The following CFAP299 variants were observed in gnomAD, a reference collection of about 807,000 sequenced individuals.
The protein encoded by CFAP299 is cilia and flagella associated protein 299.
A neutral mutation model predicts 27.0 loss-of-function variants in CFAP299; 21 were observed. The observed-to-expected ratio is 0.78, with a 90% CI of 0.55 to 1.12. The LOEUF (loss-of-function observed/expected upper bound fraction) is 1.12. Ranked by LOEUF, CFAP299 falls within the 50% of genes most tolerant of loss-of-function variation. The pLI is 0.00. For synonymous variants in CFAP299, 104 were observed against 98.1 expected (o/e 1.06, Z -0.36); for missense variants, 310 against 276.6 (o/e 1.12, Z -0.86).
chr4:80,576,187 T>TAA lies in CFAP299; in HGVS notation c.243-6896_243-6895dup, dbSNP rs760438865. On this transcript the variant is annotated intron_variant, in intron 2 of 5. Coordinates refer to ENST00000358105, the MANE Select transcript of CFAP299 (RefSeq NM_152770.3). ...TACCCTAGAACTTAAAGTATAATAA[T>TAA]AAAAAAAAAAATATATATATATATA... Among the ~76,000 whole-genome samples, 704 of 142,088 alleles carry TAA rather than the reference T, an allele frequency of 5.0e-3. 8 individuals carry two copies. The highest frequency in any genetic ancestry group is 0.017 in the African/African-American group (678 of 39,054). 93.2% of individuals were successfully genotyped at this position (142,088 alleles called of 152,430 possible).
chr4:80,497,508 C>A (rs1346610667), intron 2 of CFAP299, among the ~76,000 whole-genome samples: 1 of 151,956 alleles, frequency 6.6e-6, no homozygotes, highest in Non-Finnish European at 1.5e-5. Context: ...TATATGTATG[C>A]ATATATATAC....
At chr4:80,468,774 G>T (rs371794370) in intron 2 of CFAP299, among the ~76,000 whole-genome samples, 5 of 146,792 alleles carry the variant, frequency 3.4e-5, no homozygotes, top group African/African-American at 1.3e-4. Context: ...GGCAGAGGTT[G>T]CAGTGAGCCA....
intron 3 of CFAP299, among the ~76,000 whole-genome samples, chr4:80,661,042 G>C (rs1740816427): frequency 6.6e-6 from 1 of 150,806 alleles, no homozygotes; most frequent in South Asian, 2.1e-4. Flanking sequence ...AGTGATGATG[G>C]GAGCCGGGCA....
At chr4:80,797,484 C>T (rs907954906) in intron 3 of CFAP299, among the ~76,000 whole-genome samples, 1 of 152,330 alleles carries the variant, frequency 6.6e-6, no homozygotes, top group East Asian at 1.9e-4. Context: ...GAGCTCTACA[C>T]AAGTCAGACT....
chr4:80,556,683 T>C (rs4600904), intron 2 of CFAP299, among the ~76,000 whole-genome samples: 19,010 of 151,990 alleles, frequency 0.13, 1,437 homozygotes, highest in South Asian at 0.23. Context: ...ATTTTGCTGT[T>C]GGAAAGTCTG....
intron 3 of CFAP299, among the ~76,000 whole-genome samples, chr4:80,788,453 G>A (rs1430144748): frequency 6.6e-6 from 1 of 151,878 alleles, no homozygotes; most frequent in Non-Finnish European, 1.5e-5. Context: ...GGATTAAAAT[G>A]TAGTGTACCC....
chr4:80,921,473 G>A (rs1736040721), intron 4 of CFAP299, among the ~76,000 whole-genome samples: 1 of 152,000 alleles, frequency 6.6e-6, no homozygotes, highest in South Asian at 2.1e-4. Flanking sequence ...TGGCATTTAG[G>A]CAGAGAGGAG....
At chr4:80,391,972 A>G (rs1250475942) in intron 2 of CFAP299, among the ~76,000 whole-genome samples, 2 of 152,140 alleles carry the variant, frequency 1.3e-5, no homozygotes, top group Non-Finnish European at 2.9e-5. Context: ...GTCAAAGGAG[A>G]TCATTTTGGA....
chr4:80,464,270 A>G (rs1283072089), intron 2 of CFAP299, among the ~76,000 whole-genome samples: 1 of 152,174 alleles, frequency 6.6e-6, no homozygotes, highest in Non-Finnish European at 1.5e-5. Flanking sequence ...GCTAAAGGAA[A>G]TGGAACTCAG....
chr4:80,932,423 A>G (rs1187262707), intron 4 of CFAP299, among the ~76,000 whole-genome samples: 1 of 152,166 alleles, frequency 6.6e-6, no homozygotes, highest in African/African-American at 2.4e-5. Flanking sequence ...ATCAACCCAA[A>G]TAACTGATCA....
chr4:80,869,623 C>T (rs933706583), intron 3 of CFAP299, among the ~76,000 whole-genome samples: 2 of 152,154 alleles, frequency 1.3e-5, no homozygotes, highest in Non-Finnish European at 2.9e-5. Context: ...GAGCGATTCC[C>T]CTGCCTCAGC....
intron 4 of CFAP299, among the ~76,000 whole-genome samples, chr4:80,888,873 A>G (rs1424398865): frequency 6.6e-6 from 1 of 151,918 alleles, no homozygotes; most frequent in Non-Finnish European, 1.5e-5. Flanking sequence ...CTGAATGACC[A>G]ATGAATCAGT....
intron 4 of CFAP299, among the ~76,000 whole-genome samples, chr4:80,910,592 T>G (rs1184568237): frequency 3.3e-5 from 5 of 152,146 alleles, no homozygotes; most frequent in African/African-American, 1.2e-4. Context: ...AAATACTGTT[T>G]GTTCTAACTT....
At chr4:80,860,231 G>A (rs566644122) in intron 3 of CFAP299, among the ~76,000 whole-genome samples, 182 of 152,058 alleles carry the variant, frequency 1.2e-3, no homozygotes, top group African/African-American at 4.1e-3. Flanking sequence ...CATTCTTCCC[G>A]TAGTTCTCGA....
intron 2 of CFAP299, among the ~76,000 whole-genome samples, chr4:80,402,511 G>A (rs72860781): frequency 0.19 from 28,892 of 151,890 alleles, 2,922 homozygotes; most frequent in South Asian, 0.29. Flanking sequence ...CATGCCTTTC[G>A]TCTCCCACCA....
intron 1 of CFAP299, among the ~76,000 whole-genome samples, chr4:80,360,210 G>A (rs1194723626): frequency 2.6e-5 from 4 of 152,164 alleles, no homozygotes; most frequent in Admixed American, 1.3e-4. Flanking sequence ...TGGGGGAGGA[G>A]GGTGAGGTTT....
At chr4:80,747,944 C>A (rs962678295) in intron 3 of CFAP299, among the ~76,000 whole-genome samples, 5 of 152,034 alleles carry the variant, frequency 3.3e-5, no homozygotes, top group African/African-American at 1.2e-4. Context: ...TCCGATCAAA[C>A]ATCTTTCTGA....
chr4:80,792,767 C>T (rs1025971085), intron 3 of CFAP299, among the ~76,000 whole-genome samples: 3 of 152,076 alleles, frequency 2.0e-5, no homozygotes, highest in African/African-American at 7.2e-5. Flanking sequence ...TTAAATTTTG[C>T]AGAATCAACA....
At chr4:80,699,756 G>A (rs1187958793) in intron 3 of CFAP299, among the ~76,000 whole-genome samples, 1 of 152,070 alleles carries the variant, frequency 6.6e-6, no homozygotes, top group East Asian at 1.9e-4. Context: ...TTCTGCCCTG[G>A]ACACAACCTA....
Sources: allele counts gnomAD v4.1 joint callset (sites outside exome capture counted in the v4.1 genomes callset), GRCh38; gene constraint gnomAD v4.1.1; transcripts MANE v1.5; gene names NCBI Gene and HGNC (gene_info 2026-07-23, HGNC 2026-07-21).